The following ALDH1A3 variants were observed in gnomAD, a reference collection of about 807,000 sequenced individuals.
ALDH1A3 encodes retinaldehyde dehydrogenase 3.
ALDH1A3 carries 28 observed loss-of-function variants against 57.5 expected under a neutral mutation model. That is an observed-to-expected ratio of 0.49 (90% confidence interval 0.36 to 0.67). The LOEUF (loss-of-function observed/expected upper bound fraction) is 0.67, where lower values mean the gene tolerates loss of function less well. ALDH1A3 is among the 30% of genes least tolerant of loss of function. The probability of loss-of-function intolerance (pLI) is 0.00; values close to 1 mark genes in which losing one functional copy is unlikely to be tolerated. For synonymous variants in ALDH1A3, 281 were observed against 264.8 expected (o/e 1.06, Z -0.59); for missense variants, 507 against 669.4 (o/e 0.76, Z 2.68).
Position 100,887,975 on chromosome 15 carries a change from C to T in ALDH1A3, c.345+263C>T, listed in dbSNP as rs2041613423. ...TTGTCTATAGGCAGTTGAGCTACAT[C>T]AGTGGTCTCAGACTTGGGGCACTCA... On this transcript the variant is annotated intron_variant, in intron 3 of 12. Coordinates refer to ENST00000329841, the MANE Select transcript of ALDH1A3 (RefSeq NM_000693.4). This position sits in a 1 kb window ranked among gnomAD's most constrained non-coding sequence, Gnocchi z 4.6. Among the ~76,000 whole-genome samples the T allele has an allele frequency of 6.6e-6, 1 of 152,210 alleles. No individual in the cohort carries two copies. The highest frequency in any genetic ancestry group is 2.1e-4 in the South Asian group (1 of 4,826).
chr15:100,899,935 C>G (rs1400326281), intron 8 of ALDH1A3, among the ~76,000 whole-genome samples: 1 of 152,164 alleles, frequency 6.6e-6, no homozygotes, highest in Non-Finnish European at 1.5e-5. Flanking sequence ...GTGATGAAAC[C>G]AGCCAACGGT....
At chr15:100,898,862 G>A (rs76088970) in intron 8 of ALDH1A3, among the ~76,000 whole-genome samples, 3,922 of 152,246 alleles carry the variant, frequency 0.026, 163 homozygotes, top group African/African-American at 0.087. Context: ...AGGGCTGGCC[G>A]GGCATTCATT....
intron 12 of ALDH1A3, among the ~76,000 whole-genome samples, chr15:100,911,359 C>T (rs1238331946): frequency 1.3e-5 from 2 of 152,200 alleles, no homozygotes; most frequent in Admixed American, 1.3e-4. Flanking sequence ...GCCTGAAATT[C>T]CTCTTCCTCC....
intron 2 of ALDH1A3, among the ~76,000 whole-genome samples, chr15:100,885,973 A>G (rs754587138): frequency 6.6e-6 from 1 of 152,210 alleles, no homozygotes; most frequent in Non-Finnish European, 1.5e-5. Flanking sequence ...TCCTTTATAC[A>G]TTGCAAGGCC....
Position 100,905,721 on chromosome 15 carries a change from G to A in ALDH1A3, c.1233+34G>A, listed in dbSNP as rs376080399. 2.2e-4 allele frequency: 335 copies of A among 1,501,916 alleles called. 1 individual carries two copies. The highest frequency in any genetic ancestry group is 3.5e-4 in the South Asian group (26 of 74,246). 93.0% of individuals were successfully genotyped at this position (1,501,916 alleles called of 1,614,324 possible). A position where few individuals can be genotyped will look rare whatever the true frequency, so the allele number is the denominator to read the frequency against. ...GGGCTGTGGCAAGGCTACGACTTGC[G>A]GGGCCTTTCAAACACGAGTCCTTCC... On this transcript the variant is annotated intron_variant, in intron 10 of 12. Coordinates refer to ENST00000329841, the MANE Select transcript of ALDH1A3 (RefSeq NM_000693.4).
intron 3 of ALDH1A3, among the ~76,000 whole-genome samples, chr15:100,890,422 T>C (rs1276145578): frequency 6.6e-6 from 1 of 152,234 alleles, no homozygotes; most frequent in Non-Finnish European, 1.5e-5. Flanking sequence ...TTTTTAATAA[T>C]TTCCCGTCTA....
intron 9 of ALDH1A3, among the ~76,000 whole-genome samples, chr15:100,902,408 A>G (rs1180301589): frequency 6.6e-6 from 1 of 152,172 alleles, no homozygotes. Flanking sequence ...ATCTACGGTA[A>G]TAAGATTTTA....
intron 9 of ALDH1A3, among the ~76,000 whole-genome samples, chr15:100,905,276 G>A (rs1245760702): frequency 1.3e-5 from 2 of 152,330 alleles, no homozygotes; most frequent in East Asian, 1.9e-4. Flanking sequence ...AGATAGAAGT[G>A]TAAATATGTC....
At chr15:100,910,439 G>A (rs556532453) in intron 12 of ALDH1A3, among the ~76,000 whole-genome samples, 3 of 152,356 alleles carry the variant, frequency 2.0e-5, no homozygotes, top group African/African-American at 7.2e-5. Flanking sequence ...AACAGCAACA[G>A]TACTGGCAAC....
intron 1 of ALDH1A3, chr15:100,880,322 A>C (rs2141542316): frequency 2.7e-6 from 1 of 372,028 alleles, no homozygotes; most frequent in East Asian, 3.9e-5. Context: ...TTTGATCGCG[A>C]GTGGAGGTGC....
intron 12 of ALDH1A3, among the ~76,000 whole-genome samples, chr15:100,909,473 CAGTGTGTGAA>C (rs1567174634): frequency 5.1e-5 from 4 of 78,102 alleles, no homozygotes; most frequent in South Asian, 1.4e-3. Context: ...GCAAACTCCT[CAGTGTGTGAA>C]CCCACTGCAA....
rs2041929910 is a variant in ALDH1A3, at chr15:100,916,365, T to A, written c.*1592T>A. 1 of 152,502 alleles carries A rather than the reference T, an allele frequency of 6.6e-6. No homozygotes were observed. Among genetic ancestry groups the A allele is most frequent in the African/African-American group, 2.4e-5 (1 of 41,446 alleles). 9.4% of individuals were successfully genotyped at this position (152,502 alleles called of 1,614,324 possible). On this transcript the variant is annotated 3_prime_UTR_variant, in exon 13 of 13. Coordinates refer to ENST00000329841, the MANE Select transcript of ALDH1A3 (RefSeq NM_000693.4). ...ATTCTTCCATTGTACGATAATGTCT[T>A]TAATATGAAATGCTACATTATTTAT...
chr15:100,905,374 C>T (rs1677614032), intron 9 of ALDH1A3, 149 bp from the exon 10 acceptor site: 6 of 958,986 alleles, frequency 6.3e-6, no homozygotes, highest in African/African-American at 3.3e-5. Context: ...GGAATATTTG[C>T]CTGCAAGGCT....
In ALDH1A3 at chr15:100,907,142, A is replaced by G; in HGVS notation, c.1255A>G (p.Ile419Val). 4 of 1,614,116 alleles carry G rather than the reference A, an allele frequency of 2.5e-6. No individual in the cohort carries two copies. The highest frequency in any genetic ancestry group is 3.4e-6 in the Non-Finnish European group (4 of 1,179,994). ...KEEIFGPVQPILKFKSIEEVI... is the reference protein window; with the variant it reads ...KEEIFGPVQPVLKFKSIEEVI... ...ATAGATTTTCGGGCCAGTGCAACCA[A>G]TACTGAAGTTCAAAAGTATCGAAGA... Residue 419 changes from isoleucine (I) to valine (V), a missense_variant, in exon 11 of 13, where the codon ATA (isoleucine) becomes GTA (valine). Transcript: ENST00000329841.
chr15:100,893,798 G>A lies in ALDH1A3; in HGVS notation c.538-156G>A. 1 of 955,920 alleles carries A rather than the reference G, an allele frequency of 1.0e-6. No individual in the cohort carries two copies. Among genetic ancestry groups the A allele is most frequent in the Non-Finnish European group, 1.5e-6 (1 of 654,588 alleles). 59.2% of individuals were successfully genotyped at this position (955,920 alleles called of 1,614,324 possible). A position where few individuals can be genotyped will look rare whatever the true frequency, so the allele number is the denominator to read the frequency against. On this transcript the variant is annotated intron_variant, in intron 5 of 12. Coordinates refer to ENST00000329841, the MANE Select transcript of ALDH1A3 (RefSeq NM_000693.4). The surrounding 1 kb of genome is among the most constrained non-coding windows in gnomAD (Gnocchi z 4.8). ...ATGCAGTTTAGGAAGTGCTGTGCAG[G>A]ATTGCAGTTCTGATCATTGCACACT...
chr15:100,888,080 A>C (rs1285085389), intron 3 of ALDH1A3, among the ~76,000 whole-genome samples: 1 of 151,816 alleles, frequency 6.6e-6, no homozygotes, highest in African/African-American at 2.4e-5. Context: ...TTTTTGTATA[A>C]ACTTCCTTTT....
chr15:100,891,822 G>C (rs1245771607), intron 3 of ALDH1A3, among the ~76,000 whole-genome samples: 1 of 152,206 alleles, frequency 6.6e-6, no homozygotes, highest in Non-Finnish European at 1.5e-5. Flanking sequence ...GCTGGAAATA[G>C]AAAAGAATCC....
rs1418751615 is a variant in ALDH1A3 at position 100,915,067 on chromosome 15, G to C, written c.*294G>C. 7.5e-6 allele frequency: 3 copies of C among 401,620 alleles called. No homozygotes were observed. Among genetic ancestry groups the C allele is most frequent in the Non-Finnish European group, 1.4e-5 (3 of 215,060 alleles). 24.9% of individuals were successfully genotyped at this position (401,620 alleles called of 1,614,324 possible). A position where few individuals can be genotyped will look rare whatever the true frequency, so the allele number is the denominator to read the frequency against. On this transcript the variant is annotated 3_prime_UTR_variant, in exon 13 of 13. Coordinates refer to ENST00000329841, the MANE Select transcript of ALDH1A3 (RefSeq NM_000693.4). ...GAGACAGTGAGATACTCAGGGCGTT[G>C]TTAACAGGGAGTGGTATTTGAAGTG...
chr15:100,907,052 A>T (rs2041829413), intron 10 of ALDH1A3, 69 bp from the exon 11 acceptor site: 1 of 1,538,012 alleles, frequency 6.5e-7, no homozygotes, highest in African/African-American at 1.4e-5. Context: ...AAGAGAAGGA[A>T]ATGCTTGTTC....
Sources: gnomAD v4.1 joint callset for allele counts (sites outside exome capture counted in the v4.1 genomes callset) on GRCh38, gnomAD v4.1.1 for gene constraint, Gnocchi (gnomAD v3.1) non-coding constraint, MANE v1.5 for transcripts, NCBI Gene and HGNC (gene_info 2026-07-23, HGNC 2026-07-21) for gene names.